Variants in GAB2 observed in about 807,000 individuals in gnomAD.
GAB2 encodes the protein GRB2-associated-binding protein 2.
Under a neutral mutation model 65.5 loss-of-function variants are expected in GAB2, and 26 were observed. That is an observed-to-expected ratio of 0.40 (90% CI 0.29 to 0.55). The LOEUF is 0.55. Among genes scored for constraint, GAB2 ranks in the 20% least tolerant of loss-of-function variants. The probability of loss-of-function intolerance (pLI) is 0.53; values close to 1 mark genes in which losing one functional copy is unlikely to be tolerated. For synonymous variants in GAB2, 321 were observed against 329.6 expected, an observed-to-expected ratio of 0.97 and a Z score of 0.28; for missense variants, 884 against 875.8, an observed-to-expected ratio of 1.01 and a Z score of -0.12.
chr11:78,283,579 G>C (rs1195529743), intron 1 of GAB2, among the ~76,000 whole-genome samples: 3 of 151,904 alleles, frequency 2.0e-5, no homozygotes, highest in Non-Finnish European at 4.4e-5. Flanking sequence ...ACTATAATCA[G>C]GCTATCCCCC....
At chr11:78,277,947 G>A (rs962391584) in intron 2 of GAB2, among the ~76,000 whole-genome samples, 4 of 152,106 alleles carry the variant, frequency 2.6e-5, no homozygotes, top group East Asian at 1.9e-4. Flanking sequence ...CCCTTTGGCC[G>A]AATTCTTTCT....
At chr11:78,290,682 T>C (rs2134604393) in intron 1 of GAB2, among the ~76,000 whole-genome samples, 1 of 152,328 alleles carries the variant, frequency 6.6e-6, no homozygotes, top group African/African-American at 2.4e-5. Context: ...GTCATGATCA[T>C]AGTGTTGTTC....
In GAB2 at chr11:78,369,141, CAA is replaced by C. The variant is rs566107327; in HGVS notation, c.75+48503_75+48504del. 2.7e-3 allele frequency among the ~76,000 whole-genome samples: 160 copies of C among 59,772 alleles called. 1 individual carries two copies. The highest frequency in any genetic ancestry group is 7.0e-3 in the African/African-American group (140 of 20,136). 39.2% of individuals were successfully genotyped at this position (59,772 alleles called of 152,430 possible). A position where few individuals can be genotyped will look rare whatever the true frequency, so the allele number is the denominator to read the frequency against. ...TGACAGAGTGACAGAGACCCTGTCT[CAA>C]AAAAAAAAAAAAAAAAAGTCAGATA... On this transcript the variant is annotated intron_variant, in intron 1 of 9. Transcript: ENST00000361507.
chr11:78,352,704 T>G (rs1856297681), intron 1 of GAB2, among the ~76,000 whole-genome samples: 1 of 152,162 alleles, frequency 6.6e-6, no homozygotes, highest in South Asian at 2.1e-4. Context: ...GAGGTGGGCA[T>G]GTGACCTATT....
chr11:78,232,624 A>G (rs906542138), intron 3 of GAB2, among the ~76,000 whole-genome samples: 5 of 152,248 alleles, frequency 3.3e-5, no homozygotes, highest in African/African-American at 1.2e-4. Flanking sequence ...CATATTATCT[A>G]GTACTTGAAG....
At chr11:78,231,780 T>C (rs1864859405) in intron 3 of GAB2, 1 of 152,250 alleles carries the variant, frequency 6.6e-6, no homozygotes, top group Non-Finnish European at 1.5e-5. Flanking sequence ...CCCACTGGAC[T>C]CCAAGAACCC....
At chr11:78,370,074 G>A (rs1324585612) in intron 1 of GAB2, among the ~76,000 whole-genome samples, 1 of 151,568 alleles carries the variant, frequency 6.6e-6, no homozygotes, top group Non-Finnish European at 1.5e-5. Context: ...CGGCTAAAAC[G>A]GTGAAACCCC....
chr11:78,396,216 T>C (rs558488749), intron 1 of GAB2, among the ~76,000 whole-genome samples: 13 of 152,352 alleles, frequency 8.5e-5, no homozygotes, highest in Non-Finnish European at 8.8e-5. Context: ...AGTTTCACCG[T>C]AGTTCAAACA....
In GAB2 at chr11:78,346,674, CATATATATATATATATATATATAT is replaced by C. The variant is rs71046967; in HGVS notation, c.76-65797_76-65774del. ...TGGGCTGTTCTGTTTACATCCCCTCCATATATATATATATATATATATATATATATATATATATATATATATAAT... is the reference window on the plus strand; with the variant it reads ...TGGGCTGTTCTGTTTACATCCCCTCCATATATATATATATATATATATAAT... On this transcript the variant is annotated intron_variant, in intron 1 of 9. Transcript: ENST00000361507. 1.6e-3 allele frequency among the ~76,000 whole-genome samples: 89 copies of C among 54,912 alleles called. 4 individuals carry two copies. In the South Asian group the frequency reaches 0.041, roughly 25 times the overall value. 36.0% of individuals were successfully genotyped at this position (54,912 alleles called of 152,430 possible).
chr11:78,415,958 T>A (rs1476396486), intron 1 of GAB2, among the ~76,000 whole-genome samples: 1 of 151,306 alleles, frequency 6.6e-6, no homozygotes, highest in African/African-American at 2.4e-5. Flanking sequence ...TTTTTTTTTT[T>A]ACTGTGGACA....
chr11:78,300,199 T>C (rs539924746), intron 1 of GAB2, among the ~76,000 whole-genome samples: 1 of 152,240 alleles, frequency 6.6e-6, no homozygotes, highest in African/African-American at 2.4e-5. Flanking sequence ...TCACAAAAAA[T>C]GGAATCATGC....
intron 1 of GAB2, among the ~76,000 whole-genome samples, chr11:78,412,436 T>C (rs796965996): frequency 2.0e-5 from 3 of 152,288 alleles, no homozygotes; most frequent in South Asian, 2.1e-4. Flanking sequence ...CATGAATCCA[T>C]TTAAATAACA....
Position 78,223,411 on chromosome 11 carries a change from C to A in GAB2, c.1567+1G>T, listed in dbSNP as rs1864522166. The stretch of plus-strand genomic sequence containing the variant: ...TGGGACAGGGGAAAGAATGGACTTA[C>A]CTTTCCGATCAGGTTTGAGGTTGCG... On this transcript the variant is annotated splice_donor_variant, in intron 6 of 9. Transcript: ENST00000361507. LOFTEE classifies it high-confidence loss of function. 1.3e-6 allele frequency: 2 copies of A among 1,520,196 alleles called. No homozygotes were observed. Among genetic ancestry groups the A allele is most frequent in the Admixed American group, 4.2e-5 (2 of 47,222 alleles). 94.2% of individuals were successfully genotyped at this position (1,520,196 alleles called of 1,614,324 possible). A position where few individuals can be genotyped will look rare whatever the true frequency, so the allele number is the denominator to read the frequency against.
intron 1 of GAB2, among the ~76,000 whole-genome samples, chr11:78,297,172 A>C (rs1315320029): frequency 6.6e-6 from 1 of 152,154 alleles, no homozygotes; most frequent in African/African-American, 2.4e-5. Context: ...GTATATGAAA[A>C]AGTTTGGTGT....
chr11:78,296,480 G>C (rs60410671), intron 1 of GAB2, among the ~76,000 whole-genome samples: 4,203 of 151,688 alleles, frequency 0.028, 151 homozygotes, highest in African/African-American at 0.088. Context: ...GCACATTACA[G>C]CCTTCTTGTG....
intron 1 of GAB2, among the ~76,000 whole-genome samples, chr11:78,306,531 C>G (rs1460429466): frequency 6.6e-6 from 1 of 152,126 alleles, no homozygotes; most frequent in Non-Finnish European, 1.5e-5. Context: ...TGCGCCCGGC[C>G]CCTATATACT....
chr11:78,268,675 A>G (rs1009617094), intron 2 of GAB2, among the ~76,000 whole-genome samples: 6 of 151,242 alleles, frequency 4.0e-5, no homozygotes, highest in Non-Finnish European at 7.4e-5. Context: ...GGGTTTTGGC[A>G]GGTAACACTA....
At chr11:78,278,212 G>A (rs889606858) in intron 2 of GAB2, among the ~76,000 whole-genome samples, 1 of 151,886 alleles carries the variant, frequency 6.6e-6, no homozygotes. Context: ...TGGGATTACA[G>A]GCGCCCACCA....
At chr11:78,395,271 C>T (rs139658891) in intron 1 of GAB2, among the ~76,000 whole-genome samples, 5 of 152,322 alleles carry the variant, frequency 3.3e-5, no homozygotes, top group Admixed American at 2.0e-4. Context: ...CTGGCCAACA[C>T]GGTGAAACCG....
Sources: allele counts gnomAD v4.1 joint callset (sites outside exome capture counted in the v4.1 genomes callset), GRCh38; gene constraint gnomAD v4.1.1; transcripts MANE v1.5; gene names NCBI Gene and HGNC (gene_info 2026-07-23, HGNC 2026-07-21).